The following FLT4 variants were observed in gnomAD, a reference collection of about 807,000 sequenced individuals.
The protein encoded by FLT4 is fms related receptor tyrosine kinase 4.
In FLT4, 30 loss-of-function variants were observed where a neutral mutation model predicts 163.2. The ratio of observed to expected loss-of-function variants is 0.18; its 90% confidence interval spans 0.14 to 0.25. The LOEUF (loss-of-function observed/expected upper bound fraction) is 0.25, where lower values mean the gene tolerates loss of function less well. FLT4 is among the 10% of genes least tolerant of loss of function. The pLI is 1.00. For missense variants in FLT4, 1,510 were observed against 1,863.8 expected (o/e 0.81, Z 3.50); for synonymous variants, 884 against 789.5 (o/e 1.12, Z -2.01).
chr5:180,619,497 G>C (rs933018108), intron 18 of FLT4, 131 bp from the exon 19 acceptor site: 3 of 953,202 alleles, frequency 3.1e-6, no homozygotes, highest in Non-Finnish European at 5.1e-6. Flanking sequence ...TGAGGCAGAG[G>C]GGGTTCGGGT....
chr5:180,635,011 C>T (rs149996159), intron 1 of FLT4, among the ~76,000 whole-genome samples: 8 of 296 alleles, frequency 0.027, 2 homozygotes, highest in Non-Finnish European at 0.071. Flanking sequence ...CATGGATGGA[C>T]GGAAGTATGG....
At chr5:180,613,849 C>G (rs1225759978) in intron 24 of FLT4, 3 of 617,462 alleles carry the variant, frequency 4.9e-6, no homozygotes, top group Non-Finnish European at 8.9e-6. Flanking sequence ...CAATGTGCAC[C>G]CCACAGAGGG....
intron 1 of FLT4, among the ~76,000 whole-genome samples, chr5:180,638,270 C>T (rs72818987): frequency 0.028 from 4,312 of 152,260 alleles, 90 homozygotes; most frequent in Non-Finnish European, 0.04. Context: ...TCTACGTTTC[C>T]GATGCTAAAC....
chr5:180,610,975 T>G (rs1454558277), intron 27 of FLT4, among the ~76,000 whole-genome samples: 3 of 152,270 alleles, frequency 2.0e-5, no homozygotes, highest in Non-Finnish European at 2.9e-5. Flanking sequence ...GAGAATGGCG[T>G]GAACCTGGGA....
intron 1 of FLT4, among the ~76,000 whole-genome samples, chr5:180,642,659 C>T (rs1581712880): frequency 1.3e-5 from 2 of 152,308 alleles, no homozygotes; most frequent in Admixed American, 1.3e-4. Flanking sequence ...GACCCCAGAC[C>T]TCGAGCCCAG....
intron 1 of FLT4, among the ~76,000 whole-genome samples, chr5:180,649,010 C>T (rs539877594): frequency 5.3e-4 from 81 of 152,278 alleles, no homozygotes; most frequent in African/African-American, 1.9e-3. Flanking sequence ...CGAGCGCCCT[C>T]TGGGGGACCG....
upstream of FLT4, among the ~76,000 whole-genome samples, chr5:180,649,881 C>G (rs541691289): frequency 1.3e-5 from 2 of 152,250 alleles, no homozygotes; most frequent in Non-Finnish European, 2.9e-5. Context: ...GCGGCACGCG[C>G]TCTTTTCCGT....
intron 1 of FLT4, among the ~76,000 whole-genome samples, chr5:180,643,932 C>T (rs1196513817): frequency 1.3e-5 from 2 of 152,158 alleles, no homozygotes; most frequent in African/African-American, 4.8e-5. Context: ...AACAGTTCTC[C>T]TGCCTCAGCC....
At chr5:180,650,244 G>A (rs148848793), upstream of FLT4, among the ~76,000 whole-genome samples, 202 of 151,026 alleles carry the variant, frequency 1.3e-3, no homozygotes, top group African/African-American at 4.7e-3. Context: ...GGACAGTGTC[G>A]ACGGAAGCCG....
At chr5:180,618,071 G>A (rs1185702510) in intron 21 of FLT4, among the ~76,000 whole-genome samples, 1 of 33,782 alleles carries the variant, frequency 3.0e-5, no homozygotes, top group African/African-American at 1.3e-4. Flanking sequence ...GGACACCCAC[G>A]TCCTACTCCC....
At chr5:180,640,927 T>C (rs549780686) in intron 1 of FLT4, among the ~76,000 whole-genome samples, 22 of 152,284 alleles carry the variant, frequency 1.4e-4, no homozygotes, top group Admixed American at 1.4e-3. Context: ...TTCTGGGAGC[T>C]GCTCTCCGAA....
At chr5:180,645,049 G>A (rs147791109) in intron 1 of FLT4, among the ~76,000 whole-genome samples, 4 of 152,332 alleles carry the variant, frequency 2.6e-5, no homozygotes, top group East Asian at 1.9e-4. Flanking sequence ...CTGGGTGGAC[G>A]CGGGGCTAGG....
At chr5:180,621,986 G>GCTTC (rs1763185573) in intron 12 of FLT4, 82 bp from the exon 13 acceptor site, 13 of 1,301,074 alleles carry the variant, frequency 1.0e-5, no homozygotes, top group Non-Finnish European at 1.3e-5. Context: ...GTCTCCTCCT[G>GCTTC]CCTCCCTCCC....
At chr5:180,642,900 G>C (rs1765232340) in intron 1 of FLT4, among the ~76,000 whole-genome samples, 1 of 152,192 alleles carries the variant, frequency 6.6e-6, no homozygotes, top group Admixed American at 6.5e-5. Context: ...ACCGAGCACT[G>C]TCCATGTGAA....
intron 29 of FLT4, among the ~76,000 whole-genome samples, chr5:180,606,916 C>CAACA (rs1761830373): frequency 7.2e-6 from 1 of 138,880 alleles, no homozygotes; most frequent in African/African-American, 2.8e-5. Context: ...AAAAAAAAAA[C>CAACA]AAACAAACAA....
At chr5:180,631,429 C>T (rs1764144797) in intron 2 of FLT4, among the ~76,000 whole-genome samples, 1 of 151,808 alleles carries the variant, frequency 6.6e-6, no homozygotes, top group African/African-American at 2.4e-5. Context: ...GCCGAGATCG[C>T]ACCACTGCAC....
At chr5:180,610,105 CCT>C (rs1762056347) in intron 27 of FLT4, 80 bp from the exon 28 acceptor site, 1 of 1,602,250 alleles carries the variant, frequency 6.2e-7, no homozygotes, top group Non-Finnish European at 8.5e-7. Context: ...CCCTGTGCCC[CCT>C]CTTCTCCTGG....
intron 10 of FLT4, among the ~76,000 whole-genome samples, chr5:180,624,987 T>C (rs3797104): frequency 0.16 from 23,797 of 152,216 alleles, 2,137 homozygotes; most frequent in African/African-American, 0.24. Context: ...GTGAGCTGCA[T>C]GCCGCACGAT....
chr5:180,611,705 C>T (rs1253540646), intron 26 of FLT4: 2 of 600,030 alleles, frequency 3.3e-6, no homozygotes, highest in East Asian at 2.8e-5. Context: ...ACAGACCATG[C>T]GGGCACGTGA....
Sources: gnomAD v4.1 joint callset for allele counts (sites outside exome capture counted in the v4.1 genomes callset) on GRCh38, gnomAD v4.1.1 for gene constraint, MANE v1.5 for transcripts, NCBI Gene and HGNC (gene_info 2026-07-23, HGNC 2026-07-21) for gene names.